Variants in NRG3 observed in about 807,000 individuals in gnomAD.
NRG3 encodes pro-neuregulin-3, membrane-bound isoform.
A neutral mutation model predicts 66.9 loss-of-function variants in NRG3; 31 were observed. The ratio of observed to expected loss-of-function variants is 0.46; its 90% confidence interval spans 0.35 to 0.63. The LOEUF (loss-of-function observed/expected upper bound fraction) is 0.63, where lower values mean the gene tolerates loss of function less well. NRG3 is among the 20% of genes least tolerant of loss of function. The probability of loss-of-function intolerance (pLI) is 0.00; values close to 1 mark genes in which losing one functional copy is unlikely to be tolerated. For missense variants in NRG3, 910 were observed against 878.9 expected, an observed-to-expected ratio of 1.04 and a Z score of -0.45; for synonymous variants, 393 against 359.4, an observed-to-expected ratio of 1.09 and a Z score of -1.06.
At chr10:82,500,863 G>A (rs950703565) in intron 2 of NRG3, among the ~76,000 whole-genome samples, 1 of 152,076 alleles carries the variant, frequency 6.6e-6, no homozygotes, top group African/African-American at 2.4e-5. Context: ...TCAACAATAA[G>A]CCTAGTAAAA....
chr10:82,666,395 A>G (rs559664239), intron 2 of NRG3, among the ~76,000 whole-genome samples: 1 of 152,314 alleles, frequency 6.6e-6, no homozygotes, highest in African/African-American at 2.4e-5. Context: ...TAAAATGTCA[A>G]TTATCCCATT....
intron 2 of NRG3, among the ~76,000 whole-genome samples, chr10:82,511,843 A>G (rs1845198790): frequency 1.3e-5 from 2 of 151,396 alleles, no homozygotes; most frequent in Non-Finnish European, 2.9e-5. Context: ...TGTCTACTTT[A>G]TCTCCCAGTT....
intron 2 of NRG3, among the ~76,000 whole-genome samples, chr10:82,563,529 G>T (rs554360380): frequency 6.6e-6 from 1 of 151,588 alleles, no homozygotes; most frequent in Non-Finnish European, 1.5e-5. Flanking sequence ...TAGTATTTAT[G>T]TATATTTTCA....
Position 81,979,261 on chromosome 10 carries a change from T to C in NRG3, c.823+103098T>C, listed in dbSNP as rs893444247. On this transcript the variant is annotated intron_variant, in intron 1 of 8. Coordinates refer to ENST00000372141, the MANE Select transcript of NRG3 (RefSeq NM_001010848.4). ...AACCCCAGGTAACTTTGTGTCAATG[T>C]TATCTCTGATTTCCTCCACAGAGTC... Among the ~76,000 whole-genome samples the C allele has an allele frequency of 4.6e-4, 70 of 152,048 alleles. 3 individuals carry two copies. The highest frequency in any genetic ancestry group is 1.5e-5 in the Non-Finnish European group (1 of 68,008).
chr10:81,875,436 A>T lies in NRG3; in HGVS notation c.96A>T (p.Ala32=). 1 of 1,159,598 alleles carries T rather than the reference A, an allele frequency of 8.6e-7. No homozygotes were observed. Among genetic ancestry groups the T allele is most frequent in the Non-Finnish European group, 1.1e-6 (1 of 943,034 alleles). The allele number at this position is 1,159,598 out of a possible 1,614,324, so 71.8% of individuals were successfully genotyped here. A position where few individuals can be genotyped will look rare whatever the true frequency, so the allele number is the denominator to read the frequency against. ...EEGTAAAAAA[A]AAGGGPDGGG... The stretch of plus-strand genomic sequence containing the variant: ...GCACCGCGGCGGCTGCGGCGGCGGC[A>T]GCGGCGGGCGGGGGCCCGGACGGCG... The change falls in exon 1 of 9, where the codon GCA becomes GCT. Residue 32 remains alanine, a synonymous_variant. Transcript: ENST00000372141. This position sits in a 1 kb window ranked among gnomAD's most constrained non-coding sequence, Gnocchi z 5.3.
At chr10:82,494,226 C>T (rs1370200031) in intron 2 of NRG3, among the ~76,000 whole-genome samples, 1 of 152,118 alleles carries the variant, frequency 6.6e-6, no homozygotes, top group Non-Finnish European at 1.5e-5. Flanking sequence ...TGACCCAGCA[C>T]TCCCATTACT....
intron 3 of NRG3, among the ~76,000 whole-genome samples, chr10:82,836,346 G>A (rs139693077): frequency 3.2e-4 from 48 of 152,300 alleles, no homozygotes; most frequent in African/African-American, 9.9e-4. Flanking sequence ...GCAACTGATA[G>A]TTTACAGATG....
At chr10:82,259,287 A>G (rs2077896714) in intron 1 of NRG3, among the ~76,000 whole-genome samples, 1 of 152,266 alleles carries the variant, frequency 6.6e-6, no homozygotes, top group Admixed American at 6.5e-5. Flanking sequence ...TTGGAGATGC[A>G]CACTACAATT....
intron 3 of NRG3, among the ~76,000 whole-genome samples, chr10:82,753,518 C>T (rs750707128): frequency 1.3e-5 from 2 of 151,954 alleles, no homozygotes; most frequent in African/African-American, 4.8e-5. Flanking sequence ...CCATGCATTC[C>T]TCTTTTCTCC....
chr10:82,007,828 T>C (rs893993473), intron 1 of NRG3, among the ~76,000 whole-genome samples: 9 of 152,192 alleles, frequency 5.9e-5, no homozygotes, highest in Non-Finnish European at 1.2e-4. Context: ...TCACCTGTTA[T>C]CGTGAATGAC....
chr10:81,919,980 AAT>A (rs1846100867), intron 1 of NRG3, among the ~76,000 whole-genome samples: 1 of 152,174 alleles, frequency 6.6e-6, no homozygotes, highest in African/African-American at 2.4e-5. Flanking sequence ...CAGATACACT[AAT>A]ATACGAAAAA....
chr10:82,843,739 C>A (rs1340847149), intron 3 of NRG3, among the ~76,000 whole-genome samples: 1 of 151,950 alleles, frequency 6.6e-6, no homozygotes, highest in East Asian at 1.9e-4. Context: ...GGATACTAAT[C>A]AAATGCATTT....
intron 2 of NRG3, among the ~76,000 whole-genome samples, chr10:82,625,492 T>C (rs538354480): frequency 6.6e-6 from 1 of 152,278 alleles, no homozygotes; most frequent in South Asian, 2.1e-4. Context: ...AAACATGATA[T>C]TATAGCCTTG....
intron 1 of NRG3, chr10:81,889,600 G>GT (rs1374979724): frequency 6.6e-6 from 1 of 152,184 alleles, no homozygotes; most frequent in African/African-American, 2.4e-5. Context: ...ATAGCGCTGT[G>GT]TAAGAGCAAA....
intron 2 of NRG3, among the ~76,000 whole-genome samples, chr10:82,383,880 A>G (rs2085796197): frequency 6.6e-6 from 1 of 151,906 alleles, no homozygotes; most frequent in African/African-American, 2.4e-5. Context: ...AACTCTTACT[A>G]TTTAATTATC....
At chr10:82,428,894 G>A (rs952859295) in intron 2 of NRG3, among the ~76,000 whole-genome samples, 2 of 151,646 alleles carry the variant, frequency 1.3e-5, no homozygotes, top group Admixed American at 6.6e-5. Context: ...TATGTTGTTA[G>A]GTGTATATAT....
At chr10:82,392,613 TTTAAAC>T (rs2086455110) in intron 2 of NRG3, among the ~76,000 whole-genome samples, 1 of 152,192 alleles carries the variant, frequency 6.6e-6, no homozygotes, top group Non-Finnish European at 1.5e-5. Flanking sequence ...TCTATGTAAT[TTTAAAC>T]TTATTTAGGA....
chr10:82,641,396 A>G (rs1276562907), intron 2 of NRG3, among the ~76,000 whole-genome samples: 2 of 152,134 alleles, frequency 1.3e-5, no homozygotes, highest in East Asian at 3.9e-4. Flanking sequence ...AAAATATTAA[A>G]CAGACCACCC....
chr10:82,501,873 CCAAT>C (rs1445338117), intron 2 of NRG3, among the ~76,000 whole-genome samples: 2 of 152,046 alleles, frequency 1.3e-5, no homozygotes, highest in African/African-American at 2.4e-5. Flanking sequence ...ATTGTCTCTC[CCAAT>C]CAAAGTGTTA....
Sources: allele counts gnomAD v4.1 joint callset (sites outside exome capture counted in the v4.1 genomes callset), GRCh38; gene constraint gnomAD v4.1.1; non-coding constraint Gnocchi (gnomAD v3.1); transcripts MANE v1.5; gene names NCBI Gene and HGNC (gene_info 2026-07-23, HGNC 2026-07-21).